Variants in RCAN2 observed in about 807,000 individuals in gnomAD.
The protein encoded by RCAN2 is calcipressin-2.
Under a neutral mutation model 23.6 loss-of-function variants are expected in RCAN2, and 9 were observed. That is an observed-to-expected ratio of 0.38 (90% CI 0.23 to 0.67). The LOEUF (loss-of-function observed/expected upper bound fraction) is 0.67, where lower values mean the gene tolerates loss of function less well. Among genes scored for constraint, RCAN2 ranks in the 30% least tolerant of loss-of-function variants. The pLI, the probability that RCAN2 is intolerant of heterozygous loss-of-function variation, is 0.51. For missense variants in RCAN2, 273 were observed against 302.3 expected, an observed-to-expected ratio of 0.90 and a Z score of 0.72; for synonymous variants, 109 against 115.7, an observed-to-expected ratio of 0.94 and a Z score of 0.37.
intron 2 of RCAN2, among the ~76,000 whole-genome samples, chr6:46,251,705 C>G (rs1766728547): frequency 6.6e-6 from 1 of 152,126 alleles, no homozygotes; most frequent in African/African-American, 2.4e-5. Flanking sequence ...GAATCAAGGA[C>G]TCCAGGTTTT....
chr6:46,279,966 GGTT>G (rs1479566811), intron 2 of RCAN2, among the ~76,000 whole-genome samples: 7 of 152,180 alleles, frequency 4.6e-5, no homozygotes, highest in African/African-American at 1.7e-4. Flanking sequence ...AGCTGTGAGT[GGTT>G]GTTGTTATCA....
chr6:46,451,294 C>T (rs138393856), intron 2 of RCAN2, among the ~76,000 whole-genome samples: 14 of 152,232 alleles, frequency 9.2e-5, no homozygotes, highest in Admixed American at 6.5e-4. Context: ...TAATACTGGG[C>T]ACAGGGCTCA....
chr6:46,444,862 T>C (rs1333077083), intron 2 of RCAN2, among the ~76,000 whole-genome samples: 1 of 151,964 alleles, frequency 6.6e-6, no homozygotes, highest in Non-Finnish European at 1.5e-5. Flanking sequence ...GACCCAGGCC[T>C]CCCTTCATGT....
At chr6:46,228,672 C>T (rs7450792) in intron 4 of RCAN2, among the ~76,000 whole-genome samples, 12,134 of 151,996 alleles carry the variant, frequency 0.08, 1,687 homozygotes, top group African/African-American at 0.28. Context: ...TGTGTGTCTC[C>T]GCACGTGAGA....
Position 46,325,668 on chromosome 6 carries a change from G to A in RCAN2, c.226-76772C>T, listed in dbSNP as rs1041432276. ...TCCGCGTCTGAGGCAGCACAGCAGA[G>A]TAACGAACGGCCCGGCTCGCTCATG... On this transcript the variant is annotated intron_variant, in intron 2 of 4. Transcript: ENST00000371374. 6 of 1,389,600 alleles carry A rather than the reference G, an allele frequency of 4.3e-6. No individual in the cohort carries two copies. In the African/African-American group the frequency reaches 5.9e-5, roughly 14 times the overall value. The allele number at this position is 1,389,600 out of a possible 1,614,324, so 86.1% of individuals were successfully genotyped here. A position where few individuals can be genotyped will look rare whatever the true frequency, so the allele number is the denominator to read the frequency against.
chr6:46,370,287 AC>A (rs1490203100), intron 2 of RCAN2, among the ~76,000 whole-genome samples: 1 of 151,144 alleles, frequency 6.6e-6, no homozygotes, highest in East Asian at 2.0e-4. Flanking sequence ...CATCATTCAG[AC>A]TCCTTCCCTT....
rs1763767852 is a variant in RCAN2, at chr6:46,325,539, G to A, written c.226-76643C>T. 3.7e-6 allele frequency: 6 copies of A among 1,605,400 alleles called. No homozygotes were observed. In the East Asian group the frequency reaches 8.9e-5, roughly 24 times the overall value. On this transcript the variant is annotated intron_variant, in intron 2 of 4. Coordinates refer to ENST00000371374, the MANE Select transcript of RCAN2 (RefSeq NM_001251974.2). Reference sequence around the variant, plus strand: ...ACCTCAGAGTTGGGAGTGAAGGGAAGAGCTTCCAGATGGATATTGCTGTGG... The same window carrying A: ...ACCTCAGAGTTGGGAGTGAAGGGAAAAGCTTCCAGATGGATATTGCTGTGG...
chr6:46,352,464 T>C (rs1764689154), intron 2 of RCAN2, among the ~76,000 whole-genome samples: 1 of 152,160 alleles, frequency 6.6e-6, no homozygotes, highest in Non-Finnish European at 1.5e-5. Context: ...AGGAAAGTTA[T>C]ATAATCAGAA....
chr6:46,347,325 T>C (rs1764518724), intron 2 of RCAN2, among the ~76,000 whole-genome samples: 1 of 152,212 alleles, frequency 6.6e-6, no homozygotes, highest in South Asian at 2.1e-4. Context: ...TGGACACATG[T>C]AATGTACATC....
intron 2 of RCAN2, among the ~76,000 whole-genome samples, chr6:46,397,404 C>CACAT (rs1195838071): frequency 1.3e-5 from 2 of 151,412 alleles, no homozygotes; most frequent in African/African-American, 4.9e-5. Flanking sequence ...CACACACACA[C>CACAT]ACCACAGTGA....
At chr6:46,314,359 C>G (rs1257048165) in intron 2 of RCAN2, among the ~76,000 whole-genome samples, 1 of 92,218 alleles carries the variant, frequency 1.1e-5, no homozygotes, top group Non-Finnish European at 2.3e-5. Flanking sequence ...GAGACTCTGT[C>G]AAAAAAAAAA....
chr6:46,266,805 G>A (rs140909805), intron 2 of RCAN2, among the ~76,000 whole-genome samples: 229 of 152,126 alleles, frequency 1.5e-3, no homozygotes, highest in African/African-American at 5.3e-3. Flanking sequence ...CCAACCCCTC[G>A]ACTTGAAAGT....
chr6:46,331,602 T>C (rs1050025675), intron 2 of RCAN2, among the ~76,000 whole-genome samples: 1 of 152,246 alleles, frequency 6.6e-6, no homozygotes, highest in Non-Finnish European at 1.5e-5. Context: ...GTTCATTTCC[T>C]GCCTTAGATA....
Position 46,222,228 on chromosome 6 carries a change from G to T in RCAN2, c.*913C>A. On this transcript the variant is annotated 3_prime_UTR_variant, in exon 5 of 5. Transcript: ENST00000371374. ...GGCATTCATAAGCAATGCACATTATGTTTTGAAGCAGCTAATTGTCGAACA... is the reference window on the plus strand; with the variant it reads ...GGCATTCATAAGCAATGCACATTATTTTTTGAAGCAGCTAATTGTCGAACA... 2.7e-6 allele frequency: 1 copy of T among 373,516 alleles called. No homozygotes were observed. The highest frequency in any genetic ancestry group is 4.7e-6 in the Non-Finnish European group (1 of 210,624). The allele number at this position is 373,516 out of a possible 1,614,324, so 23.1% of individuals were successfully genotyped here. A position where few individuals can be genotyped will look rare whatever the true frequency, so the allele number is the denominator to read the frequency against.
chr6:46,246,970 T>G (rs370239386), intron 3 of RCAN2, 51 bp from the exon 4 acceptor site: 1 of 1,420,500 alleles, frequency 7.0e-7, no homozygotes, highest in Non-Finnish European at 9.4e-7. Context: ...GCTTCAGATG[T>G]GTCATGTTGG....
chr6:46,467,160 C>T (rs1768408924), intron 1 of RCAN2, among the ~76,000 whole-genome samples: 1 of 152,200 alleles, frequency 6.6e-6, no homozygotes, highest in Non-Finnish European at 1.5e-5. Flanking sequence ...AGCGCAGGAG[C>T]TGTGTCTTAC....
At chr6:46,311,063 C>A (rs1474677145) in intron 2 of RCAN2, among the ~76,000 whole-genome samples, 1 of 152,148 alleles carries the variant, frequency 6.6e-6, no homozygotes, top group Non-Finnish European at 1.5e-5. Flanking sequence ...TTACAACACC[C>A]TGAAGAGTAG....
At chr6:46,354,046 G>T (rs1251654230) in intron 2 of RCAN2, among the ~76,000 whole-genome samples, 5 of 152,066 alleles carry the variant, frequency 3.3e-5, no homozygotes, top group Non-Finnish European at 7.4e-5. Flanking sequence ...AATATATTTT[G>T]TACAATTTTG....
At chr6:46,456,370 T>C (rs1768030734) in intron 2 of RCAN2, among the ~76,000 whole-genome samples, 1 of 151,968 alleles carries the variant, frequency 6.6e-6, no homozygotes, top group Non-Finnish European at 1.5e-5. Flanking sequence ...TAAAATGGAG[T>C]TTGTATTGTT....
Sources: gnomAD v4.1 joint callset for allele counts (sites outside exome capture counted in the v4.1 genomes callset) on GRCh38, gnomAD v4.1.1 for gene constraint, MANE v1.5 for transcripts, NCBI Gene and HGNC (gene_info 2026-07-23, HGNC 2026-07-21) for gene names.